IL1RAPL1: variants seen among roughly 807,000 people sequenced by gnomAD.
IL1RAPL1 encodes the protein interleukin 1 receptor accessory protein like 1, also known as interleukin-1 receptor accessory protein-like 1.
A neutral mutation model predicts 48.4 loss-of-function variants in IL1RAPL1; 3 were observed. That is an observed-to-expected ratio of 0.06 (90% CI 0.03 to 0.16). The LOEUF is 0.16. IL1RAPL1 is among the 10% of genes least tolerant of loss of function. IL1RAPL1 has a pLI of 1.00. For missense variants in IL1RAPL1, 349 were observed against 530.6 expected (o/e 0.66, Z 3.36); for synonymous variants, 185 against 187.7 (o/e 0.99, Z 0.12).
intron 5 of IL1RAPL1, among the ~76,000 whole-genome samples, chrX:29,402,807 C>G (rs1431043512): frequency 1.8e-5 from 2 of 109,735 alleles, no homozygotes; most frequent in East Asian, 5.7e-4. Flanking sequence ...TTTTGATGAC[C>G]TTTACAATTT....
chrX:29,890,481 G>A (rs1322894250), intron 6 of IL1RAPL1, among the ~76,000 whole-genome samples: 2 of 111,787 alleles, frequency 1.8e-5, no homozygotes, highest in Non-Finnish European at 3.8e-5. Flanking sequence ...AAGGACTAAC[G>A]AAGAACCTGA....
At position 29,132,938 on chromosome X, in the gene IL1RAPL1, T is replaced by C. The variant is rs574594342; in HGVS notation, c.83-150000T>C. ...GGATATATAGGGTGATAAAAATAGA[T>C]AAATATATTACTTGTTCTGGGGCAT... On this transcript the variant is annotated intron_variant, in intron 2 of 10. Coordinates refer to ENST00000378993, the MANE Select transcript of IL1RAPL1 (RefSeq NM_014271.4). 6.3e-5 allele frequency among the ~76,000 whole-genome samples: 7 copies of C among 111,697 alleles called. No homozygotes were observed. In the South Asian group the frequency reaches 2.3e-3, roughly 36 times the overall value.
At chrX:28,719,959 G>A (rs1241109839) in intron 1 of IL1RAPL1, among the ~76,000 whole-genome samples, 6 of 110,746 alleles carry the variant, frequency 5.4e-5, no homozygotes, top group East Asian at 2.8e-4. Context: ...AGCTTTGACC[G>A]TAGAGTTTTT....
intron 6 of IL1RAPL1, among the ~76,000 whole-genome samples, chrX:29,810,676 C>T (rs1238000526): frequency 8.1e-5 from 9 of 111,525 alleles, no homozygotes; most frequent in Non-Finnish European, 1.5e-4. Context: ...TCCTCCATAT[C>T]TCCAACCCTA....
chrX:29,528,448 A>G (rs1935577598), intron 5 of IL1RAPL1, among the ~76,000 whole-genome samples: 1 of 112,786 alleles, frequency 8.9e-6, no homozygotes, highest in Non-Finnish European at 1.9e-5. Flanking sequence ...ACTGGGCATC[A>G]CTTTAGCCAA....
At chrX:29,241,836 C>G (rs1466514754) in intron 2 of IL1RAPL1, among the ~76,000 whole-genome samples, 5 of 111,684 alleles carry the variant, frequency 4.5e-5, no homozygotes, top group African/African-American at 1.6e-4. Context: ...CTCTATATAA[C>G]ATTTTTTTTC....
chrX:29,224,748 CT>C (rs1931047196), intron 2 of IL1RAPL1, among the ~76,000 whole-genome samples: 1 of 111,974 alleles, frequency 8.9e-6, no homozygotes, highest in African/African-American at 3.2e-5. Context: ...TGTTAGGGAA[CT>C]TTAAATGTCT....
intron 2 of IL1RAPL1, among the ~76,000 whole-genome samples, chrX:28,906,255 G>A (rs1281543495): frequency 1.8e-5 from 2 of 112,888 alleles, no homozygotes; most frequent in African/African-American, 6.4e-5. Context: ...ATTATGGGGA[G>A]TACAGTTCAA....
At chrX:29,468,452 T>C (rs1934886796) in intron 5 of IL1RAPL1, among the ~76,000 whole-genome samples, 1 of 112,435 alleles carries the variant, frequency 8.9e-6, no homozygotes, top group South Asian at 3.7e-4. Flanking sequence ...TTCTGCAGTA[T>C]TAATCCATCC....
At chrX:29,085,557 A>AAGT (rs1927935188) in intron 2 of IL1RAPL1, among the ~76,000 whole-genome samples, 1 of 112,320 alleles carries the variant, frequency 8.9e-6, no homozygotes, top group Non-Finnish European at 1.9e-5. Flanking sequence ...AAGATCACAT[A>AAGT]GTAAGTGTAT....
chrX:29,037,399 C>A (rs943271745), intron 2 of IL1RAPL1, among the ~76,000 whole-genome samples: 1 of 111,293 alleles, frequency 9.0e-6, no homozygotes, highest in African/African-American at 3.3e-5. Context: ...CAGGATTTTT[C>A]TCCTCTTGCT....
intron 2 of IL1RAPL1, among the ~76,000 whole-genome samples, chrX:29,229,554 G>A (rs1160114508): frequency 9.0e-6 from 1 of 111,577 alleles, no homozygotes; most frequent in East Asian, 2.8e-4. Context: ...TTCCTTTTTT[G>A]TACAGGAAAC....
At chrX:29,933,572 C>T (rs1268115297) in intron 8 of IL1RAPL1, among the ~76,000 whole-genome samples, 2 of 104,098 alleles carry the variant, frequency 1.9e-5, no homozygotes, top group Non-Finnish European at 3.9e-5. Context: ...TCTAATCAGT[C>T]ATTCATTTTC....
chrX:29,865,803 A>ATTT (rs1161090848), intron 6 of IL1RAPL1, among the ~76,000 whole-genome samples: 1,268 of 86,251 alleles, frequency 0.015, 31 homozygotes, highest in African/African-American at 0.054. Flanking sequence ...CGCCTGGCTA[A>ATTT]TTTTTTTTTT....
At chrX:29,848,437 C>CAAAAA (rs34964717) in intron 6 of IL1RAPL1, among the ~76,000 whole-genome samples, 4 of 91,889 alleles carry the variant, frequency 4.4e-5, no homozygotes, top group Admixed American at 2.3e-4. Context: ...CAAAATATAG[C>CAAAAA]AAAAAAAAAA....
At chrX:29,738,105 T>G (rs1928096281) in intron 6 of IL1RAPL1, among the ~76,000 whole-genome samples, 1 of 112,395 alleles carries the variant, frequency 8.9e-6, no homozygotes, top group South Asian at 3.7e-4. Context: ...GCCCTCATCG[T>G]TTGTTTAAAG....
At chrX:28,605,146 T>C (rs1934069102) in intron 1 of IL1RAPL1, among the ~76,000 whole-genome samples, 1 of 112,198 alleles carries the variant, frequency 8.9e-6, no homozygotes, top group African/African-American at 3.2e-5. Context: ...CTTAGTGATT[T>C]CATTCACTCA....
intron 3 of IL1RAPL1, among the ~76,000 whole-genome samples, chrX:29,356,550 G>T (rs191537875): frequency 0.013 from 1,047 of 81,141 alleles, 9 homozygotes; most frequent in Non-Finnish European, 0.019. Flanking sequence ...ACACACGTGC[G>T]TATGTATGTG....
intron 6 of IL1RAPL1, among the ~76,000 whole-genome samples, chrX:29,753,874 C>T (rs1481885054): frequency 1.8e-5 from 2 of 112,020 alleles, no homozygotes; most frequent in African/African-American, 6.5e-5. Context: ...GCTAAATTAT[C>T]ACTGAAGTTA....
Sources: allele counts gnomAD v4.1 joint callset (sites outside exome capture counted in the v4.1 genomes callset), GRCh38; gene constraint gnomAD v4.1.1; transcripts MANE v1.5; gene names NCBI Gene and HGNC (gene_info 2026-07-23, HGNC 2026-07-21).